The following CCDC148 variants were observed in gnomAD, a reference collection of about 807,000 sequenced individuals.
CCDC148 encodes coiled-coil domain-containing protein 148.
In CCDC148, 89 loss-of-function variants were observed where a neutral mutation model predicts 85.7. That is an observed-to-expected ratio of 1.04 (90% CI 0.87 to 1.24). The LOEUF is 1.24. Among genes scored for constraint, CCDC148 ranks in the 50% most tolerant of loss-of-function variants. The probability of loss-of-function intolerance (pLI) is 0.00; values close to 1 mark genes in which losing one functional copy is unlikely to be tolerated. For synonymous variants in CCDC148, 230 were observed against 213.9 expected (o/e 1.08, Z -0.66); for missense variants, 692 against 671.7 (o/e 1.03, Z -0.33).
intron 7 of CCDC148, among the ~76,000 whole-genome samples, chr2:158,320,411 A>G (rs1220601160): frequency 6.6e-6 from 1 of 152,140 alleles, no homozygotes; most frequent in Non-Finnish European, 1.5e-5. Flanking sequence ...TGTTCTCCAT[A>G]GTGTTCGTTC....
intron 10 of CCDC148, among the ~76,000 whole-genome samples, chr2:158,229,941 T>C (rs907674421): frequency 6.6e-6 from 1 of 152,210 alleles, no homozygotes; most frequent in Non-Finnish European, 1.5e-5. Context: ...GCACATCTTC[T>C]ATTTCACTCC....
chr2:158,439,455 G>A (rs184977232), intron 1 of CCDC148, among the ~76,000 whole-genome samples: 14 of 152,136 alleles, frequency 9.2e-5, no homozygotes, highest in Admixed American at 7.9e-4. Context: ...GGTGGGGAAC[G>A]TCACACACCG....
chr2:158,232,482 C>G (rs771267556), intron 10 of CCDC148, among the ~76,000 whole-genome samples: 5 of 151,830 alleles, frequency 3.3e-5, no homozygotes, highest in Non-Finnish European at 5.9e-5. Context: ...AAAACTTGGA[C>G]CAATATTATA....
intron 2 of CCDC148, among the ~76,000 whole-genome samples, chr2:158,349,220 T>C (rs981626850): frequency 1.3e-5 from 2 of 152,062 alleles, no homozygotes; most frequent in Non-Finnish European, 2.9e-5. Flanking sequence ...AATGTTAACA[T>C]TTTATCATTT....
chr2:158,418,851 T>C (rs1255722137), intron 1 of CCDC148, among the ~76,000 whole-genome samples: 1 of 152,172 alleles, frequency 6.6e-6, no homozygotes, highest in Non-Finnish European at 1.5e-5. Context: ...AAACGTGTTT[T>C]AATGAACAAA....
At chr2:158,435,407 C>T (rs1187463480) in intron 1 of CCDC148, among the ~76,000 whole-genome samples, 2 of 152,178 alleles carry the variant, frequency 1.3e-5, no homozygotes, top group African/African-American at 4.8e-5. Flanking sequence ...AAATAAAATA[C>T]TTTACAGACA....
At chr2:158,346,105 C>G (rs990110434) in intron 2 of CCDC148, among the ~76,000 whole-genome samples, 2 of 152,088 alleles carry the variant, frequency 1.3e-5, no homozygotes, top group Non-Finnish European at 2.9e-5. Flanking sequence ...TGAGTTTCAG[C>G]TGAAAGGTTA....
chr2:158,290,723 C>A (rs1295188742), intron 9 of CCDC148, among the ~76,000 whole-genome samples: 1 of 152,094 alleles, frequency 6.6e-6, no homozygotes, highest in Non-Finnish European at 1.5e-5. Flanking sequence ...GTCATCTTAA[C>A]TTGCATTAGA....
intron 3 of CCDC148, among the ~76,000 whole-genome samples, chr2:158,341,199 T>C (rs1487778123): frequency 6.6e-6 from 1 of 152,138 alleles, no homozygotes; most frequent in African/African-American, 2.4e-5. Context: ...TATATATGTA[T>C]ACATACGTAT....
intron 3 of CCDC148, among the ~76,000 whole-genome samples, chr2:158,343,212 G>T (rs75651667): frequency 6.6e-6 from 1 of 152,040 alleles, no homozygotes; most frequent in African/African-American, 2.4e-5. Context: ...TGCCAGCAAG[G>T]CTAGACCAAT....
intron 9 of CCDC148, among the ~76,000 whole-genome samples, chr2:158,277,935 T>C (rs1690038429): frequency 6.6e-6 from 1 of 152,140 alleles, no homozygotes; most frequent in Non-Finnish European, 1.5e-5. Context: ...ATGTTCAATG[T>C]AAACAAACTC....
rs1049920474 is a variant in CCDC148 at position 158,331,903 on chromosome 2, T to C, written c.764+6823A>G. ...TTTGTTTTGAGCCTATGTGTGTCTC[T>C]GCACGAGAGATGGGTTTCCTGAATA... is the stretch of plus-strand genomic sequence containing the variant. On this transcript the variant is annotated intron_variant, in intron 7 of 13. Coordinates refer to ENST00000283233, the MANE Select transcript of CCDC148 (RefSeq NM_138803.4). 3.9e-5 allele frequency among the ~76,000 whole-genome samples: 6 copies of C among 152,220 alleles called. 1 individual carries two copies. The highest frequency in any genetic ancestry group is 6.5e-5 in the Admixed American group (1 of 15,282).
At position 158,396,335 on chromosome 2, in the gene CCDC148, G is replaced by C. The variant is rs191207932; in HGVS notation, c.26-37765C>G. Reference sequence around the variant, plus strand: ...GTAGTAGCTGTCATTTTTTTAGATAGGACATATGTTCTCCAACAACCCCAG... The same window carrying C: ...GTAGTAGCTGTCATTTTTTTAGATACGACATATGTTCTCCAACAACCCCAG... On this transcript the variant is annotated intron_variant, in intron 1 of 13. Transcript: ENST00000283233. 5.3e-5 allele frequency among the ~76,000 whole-genome samples: 8 copies of C among 152,090 alleles called. No homozygotes were observed. In the East Asian group the frequency reaches 1.4e-3, roughly 26 times the overall value.
At chr2:158,382,365 G>A (rs1684907198) in intron 1 of CCDC148, among the ~76,000 whole-genome samples, 1 of 152,150 alleles carries the variant, frequency 6.6e-6, no homozygotes, top group Non-Finnish European at 1.5e-5. Flanking sequence ...AAAGGGCTGA[G>A]AGGGAAAGTG....
chr2:158,358,713 T>C, intron 1 of CCDC148, 143 bp from the exon 2 acceptor site: 2 of 359,540 alleles, frequency 5.6e-6, no homozygotes, highest in Non-Finnish European at 9.2e-6. Flanking sequence ...ATTACAATAT[T>C]AATAATATAT....
chr2:158,192,959 T>C (rs1362722694), intron 11 of CCDC148, among the ~76,000 whole-genome samples: 1 of 152,230 alleles, frequency 6.6e-6, no homozygotes. Flanking sequence ...TGTCAATATA[T>C]GAAAGGCAAC....
intron 2 of CCDC148, among the ~76,000 whole-genome samples, chr2:158,357,438 T>C (rs1324375610): frequency 1.3e-5 from 2 of 152,164 alleles, no homozygotes; most frequent in Non-Finnish European, 2.9e-5. Context: ...CATGATTTCA[T>C]GCCTATGTTT....
Position 158,414,546 on chromosome 2 carries a change from C to T in CCDC148, c.25+41869G>A, listed in dbSNP as rs559733817. Among the ~76,000 whole-genome samples the T allele has an allele frequency of 1.7e-4, 26 of 150,864 alleles. No homozygotes were observed. In the South Asian group the frequency reaches 4.9e-3, roughly 28 times the overall value. On this transcript the variant is annotated intron_variant, in intron 1 of 13. Coordinates refer to ENST00000283233, the MANE Select transcript of CCDC148 (RefSeq NM_138803.4). ...CGTATACATATGTAACAAACCTGCA[C>T]GTTGTGCACATGTACCCTAAAACTT...
chr2:158,281,347 C>T (rs62182649), intron 9 of CCDC148, among the ~76,000 whole-genome samples: 8,922 of 151,984 alleles, frequency 0.059, 362 homozygotes, highest in Non-Finnish European at 0.081. Flanking sequence ...GAGCTGGTTT[C>T]TTGAAAGGAT....
Sources: gnomAD v4.1 joint callset for allele counts (sites outside exome capture counted in the v4.1 genomes callset) on GRCh38, gnomAD v4.1.1 for gene constraint, MANE v1.5 for transcripts, NCBI Gene and HGNC (gene_info 2026-07-23, HGNC 2026-07-21) for gene names.